The following GRIA4 variants were observed in gnomAD, a reference collection of about 807,000 sequenced individuals.
GRIA4 encodes glutamate ionotropic receptor AMPA type subunit 4.
Under a neutral mutation model 104.0 loss-of-function variants are expected in GRIA4, and 34 were observed. That is an observed-to-expected ratio of 0.33 (90% confidence interval 0.25 to 0.44). The LOEUF is 0.44. Ranked by LOEUF, GRIA4 falls within the 20% of genes least tolerant of loss-of-function variation. GRIA4 has a pLI of 1.00. For synonymous variants in GRIA4, 386 were observed against 381.9 expected (o/e 1.01, Z -0.13); for missense variants, 750 against 1,096.5 (o/e 0.68, Z 4.46).
At chr11:105,952,568 T>C (rs553803031) in intron 14 of GRIA4, among the ~76,000 whole-genome samples, 1 of 152,286 alleles carries the variant, frequency 6.6e-6, no homozygotes, top group Non-Finnish European at 1.5e-5. Flanking sequence ...ATTCCTCAGA[T>C]CCATGTCTCA....
intron 4 of GRIA4, among the ~76,000 whole-genome samples, chr11:105,774,468 T>C (rs780046236): frequency 1.1e-4 from 17 of 152,028 alleles, no homozygotes; most frequent in South Asian, 4.2e-4. Context: ...TAGGGAAAAA[T>C]GTATATCTTA....
At chr11:105,725,561 T>TA (rs1938144236) in intron 3 of GRIA4, among the ~76,000 whole-genome samples, 1 of 151,924 alleles carries the variant, frequency 6.6e-6, no homozygotes, top group Non-Finnish European at 1.5e-5. Flanking sequence ...GAAACTAATA[T>TA]AAAGAATCAT....
intron 5 of GRIA4, among the ~76,000 whole-genome samples, chr11:105,870,029 TA>T (rs1209169910): frequency 2.0e-5 from 3 of 151,978 alleles, no homozygotes; most frequent in African/African-American, 7.2e-5. Flanking sequence ...TTCCATTTTT[TA>T]AAGTTTTTTC....
At position 105,630,153 on chromosome 11, in the gene GRIA4, C is replaced by T. The variant is rs558917264; in HGVS notation, c.247+17719C>T. Among the ~76,000 whole-genome samples, 26 of 152,238 alleles carry T rather than the reference C, an allele frequency of 1.7e-4. No individual in the cohort carries two copies. In the East Asian group the frequency reaches 1.7e-3, roughly 10 times the overall value. ...AAGGCACCTTGGACTTACCCTACTA[C>T]GTGATATTATTATTTATTTGCACTC... is the stretch of plus-strand genomic sequence containing the variant. On this transcript the variant is annotated intron_variant, in intron 3 of 16. Transcript: ENST00000282499.
chr11:105,833,735 AT>A (rs959288238), intron 4 of GRIA4, among the ~76,000 whole-genome samples: 4 of 151,930 alleles, frequency 2.6e-5, no homozygotes, highest in African/African-American at 7.2e-5. Context: ...ACATGTTTCT[AT>A]TTTTTAAAGT....
chr11:105,776,710 A>G (rs1191944789), intron 4 of GRIA4, among the ~76,000 whole-genome samples: 1 of 152,070 alleles, frequency 6.6e-6, no homozygotes, highest in Admixed American at 6.6e-5. Context: ...GAAAGTCCCA[A>G]AGATTACTGC....
Position 105,683,121 on chromosome 11 carries a change from T to C in GRIA4, c.248-69860T>C, listed in dbSNP as rs115223198. 4.4e-3 allele frequency among the ~76,000 whole-genome samples: 677 copies of C among 152,280 alleles called. 7 individuals carry two copies. Among genetic ancestry groups the C allele is most frequent in the African/African-American group, 0.015 (629 of 41,568 alleles). ...TAAGGTTAAAACATTTAAGATGGAG[T>C]ATAAGGAATAAAAATTCCATGATTT... On this transcript the variant is annotated intron_variant, in intron 3 of 16. Transcript: ENST00000282499.
In GRIA4 at chr11:105,786,768, T is replaced by A. The variant is rs902804422; in HGVS notation, c.487+33548T>A. ...CTCTGCAGGAGAAGCTCCGTTAGAA[T>A]CTTTAATTTACAAAACAGTGGTTTT... On this transcript the variant is annotated intron_variant, in intron 4 of 16. Coordinates refer to ENST00000282499, the MANE Select transcript of GRIA4 (RefSeq NM_000829.4). Among the ~76,000 whole-genome samples the A allele has an allele frequency of 1.6e-4, 24 of 152,218 alleles. 1 individual carries two copies. Among genetic ancestry groups the A allele is most frequent in the African/African-American group, 5.8e-4 (24 of 41,462 alleles).
intron 3 of GRIA4, among the ~76,000 whole-genome samples, chr11:105,627,505 A>G (rs1035596832): frequency 6.6e-6 from 1 of 152,216 alleles, no homozygotes; most frequent in Admixed American, 6.5e-5. Context: ...TTCATCATTC[A>G]TGTATATAGC....
At chr11:105,625,240 C>T (rs1950856815) in intron 3 of GRIA4, among the ~76,000 whole-genome samples, 2 of 151,970 alleles carry the variant, frequency 1.3e-5, no homozygotes, top group African/African-American at 4.8e-5. Flanking sequence ...ATCATGAAGG[C>T]CTATTACAGT....
intron 4 of GRIA4, among the ~76,000 whole-genome samples, chr11:105,853,872 CCTT>C (rs1414536840): frequency 3.9e-5 from 6 of 152,276 alleles, no homozygotes; most frequent in African/African-American, 1.4e-4. Context: ...TCCCTGTCCT[CCTT>C]CTCTTTCCAC....
intron 3 of GRIA4, among the ~76,000 whole-genome samples, chr11:105,698,648 A>G (rs957462254): frequency 1.3e-5 from 2 of 151,956 alleles, no homozygotes; most frequent in Admixed American, 1.3e-4. Context: ...TCAGAACACC[A>G]GAGAGAATGT....
chr11:105,741,202 T>C (rs901131721), intron 3 of GRIA4, among the ~76,000 whole-genome samples: 11 of 152,162 alleles, frequency 7.2e-5, no homozygotes, highest in Admixed American at 6.5e-5. Flanking sequence ...TTTTCATAGA[T>C]AGCCATGTTT....
chr11:105,686,906 T>G (rs988029925), intron 3 of GRIA4, among the ~76,000 whole-genome samples: 1 of 152,170 alleles, frequency 6.6e-6, no homozygotes, highest in Non-Finnish European at 1.5e-5. Flanking sequence ...ATTTTGCCAA[T>G]GTTTTAATGG....
chr11:105,632,004 G>A (rs1162920667), intron 3 of GRIA4, among the ~76,000 whole-genome samples: 3 of 152,090 alleles, frequency 2.0e-5, no homozygotes, highest in African/African-American at 7.2e-5. Context: ...CATTGGATAT[G>A]AATGAATAGT....
chr11:105,813,093 C>CA (rs58984237), intron 4 of GRIA4, among the ~76,000 whole-genome samples: 43,886 of 79,968 alleles, frequency 0.55, 10,863 homozygotes, highest in Non-Finnish European at 0.59. Context: ...GACTCCATCT[C>CA]AAAAAAAAAA....
At chr11:105,974,479 C>T (rs759256652) in intron 16 of GRIA4, 35 bp downstream of exon 16, 1 of 1,613,740 alleles carries the variant, frequency 6.2e-7, no homozygotes, top group South Asian at 1.1e-5. Flanking sequence ...AACCCAACTT[C>T]CTCGCAGAAT....
chr11:105,651,970 C>T (rs1951697842), intron 3 of GRIA4, among the ~76,000 whole-genome samples: 1 of 152,012 alleles, frequency 6.6e-6, no homozygotes, highest in Non-Finnish European at 1.5e-5. Flanking sequence ...GCTTCATATA[C>T]TACTGGAGCC....
chr11:105,878,260 G>A (rs1193497867), intron 5 of GRIA4, among the ~76,000 whole-genome samples: 3 of 152,194 alleles, frequency 2.0e-5, no homozygotes, highest in African/African-American at 7.2e-5. Flanking sequence ...GAATAGCAAA[G>A]ACTGATGCTT....
Sources: gnomAD v4.1 joint callset for allele counts (sites outside exome capture counted in the v4.1 genomes callset) on GRCh38, gnomAD v4.1.1 for gene constraint, MANE v1.5 for transcripts, NCBI Gene and HGNC (gene_info 2026-07-23, HGNC 2026-07-21) for gene names.